Variants in SBNO1 observed in about 807,000 individuals in gnomAD.
The protein encoded by SBNO1 is strawberry notch homolog 1.
Under a neutral mutation model 173.6 loss-of-function variants are expected in SBNO1, and 23 were observed. That is an observed-to-expected ratio of 0.13 (90% CI 0.10 to 0.19). The LOEUF is 0.19. Among genes scored for constraint, SBNO1 ranks in the 10% least tolerant of loss-of-function variants. The pLI is 1.00. For synonymous variants in SBNO1, 632 were observed against 571.5 expected, an observed-to-expected ratio of 1.11 and a Z score of -1.51; for missense variants, 1,238 against 1,671.2, an observed-to-expected ratio of 0.74 and a Z score of 4.52.
rs576832694 is a variant in SBNO1 at position 123,362,425 on chromosome 12, G to C, written c.-1+2276C>G. Among the ~76,000 whole-genome samples the C allele has an allele frequency of 5.1e-4, 56 of 109,066 alleles. 1 individual carries two copies. In the Middle Eastern group the frequency reaches 0.028, roughly 55 times the overall value. 71.6% of individuals were successfully genotyped at this position (109,066 alleles called of 152,430 possible). Reference sequence around the variant, plus strand: ...CACTCCAGCCTGGGCCACTGAGCGAGACTCCGTCTCAAAAAAAAAAAAAAA... The same window carrying C: ...CACTCCAGCCTGGGCCACTGAGCGACACTCCGTCTCAAAAAAAAAAAAAAA... On this transcript the variant is annotated intron_variant, in intron 1 of 31. Coordinates refer to ENST00000602398, the MANE Select transcript of SBNO1 (RefSeq NM_001167856.3).
chr12:123,290,095 A>C lies in SBNO1; in HGVS notation c.*5813T>G, dbSNP rs930224847. On this transcript the variant is annotated 3_prime_UTR_variant, in exon 32 of 32. Coordinates refer to ENST00000602398, the MANE Select transcript of SBNO1 (RefSeq NM_001167856.3). The stretch of plus-strand genomic sequence containing the variant: ...CTTTTCCTTGCTTAGCCCTGCACTA[A>C]GGGGCAGTCTTGCTGGACGGTGCCC... 6.6e-6 allele frequency: 1 copy of C among 152,232 alleles called. No individual in the cohort carries two copies. Among genetic ancestry groups the C allele is most frequent in the African/African-American group, 2.4e-5 (1 of 41,462 alleles). 9.4% of individuals were successfully genotyped at this position (152,232 alleles called of 1,614,324 possible). A position where few individuals can be genotyped will look rare whatever the true frequency, so the allele number is the denominator to read the frequency against.
chr12:123,340,581 CAAAAAAAAAAA>C (rs752794679), intron 5 of SBNO1, among the ~76,000 whole-genome samples: 34 of 46,804 alleles, frequency 7.3e-4, no homozygotes, highest in South Asian at 2.0e-3. Flanking sequence ...GACTCTGTCT[CAAAAAAAAAAA>C]AAAAAAAAAA....
intron 1 of SBNO1, among the ~76,000 whole-genome samples, chr12:123,362,381 A>G (rs1875388433): frequency 7.6e-6 from 1 of 130,808 alleles, no homozygotes; most frequent in African/African-American, 2.9e-5. Flanking sequence ...GCTTGCAGTG[A>G]GCAGAGATCG....
rs183448363 is a variant in SBNO1, at chr12:123,311,272, G to C, written c.3221-143C>G. ...TTTATATAAACATGGAGAAAATGTG[G>C]AGAGAACTGCCCTTGTTCACTCTGT... On this transcript the variant is annotated intron_variant, in intron 24 of 31. Transcript: ENST00000602398. 1.4e-5 allele frequency: 9 copies of C among 642,518 alleles called. No homozygotes were observed. In the East Asian group the frequency reaches 2.2e-4, roughly 16 times the overall value. The allele number at this position is 642,518 out of a possible 1,614,324, so 39.8% of individuals were successfully genotyped here.
At chr12:123,314,823 C>T (rs187617372) in intron 23 of SBNO1, among the ~76,000 whole-genome samples, 1 of 152,224 alleles carries the variant, frequency 6.6e-6, no homozygotes, top group African/African-American at 2.4e-5. Context: ...TCTCGAATTC[C>T]TGACCTCAGG....
At chr12:123,303,049 T>A (rs2048834512) in intron 29 of SBNO1, 149 bp from the exon 30 acceptor site, 1 of 618,110 alleles carries the variant, frequency 1.6e-6, no homozygotes, top group African/African-American at 1.8e-5. Flanking sequence ...CTGAACGCCA[T>A]TTGAAAAGCT....
At chr12:123,334,669 C>T (rs1242970286) in intron 6 of SBNO1, among the ~76,000 whole-genome samples, 1 of 152,080 alleles carries the variant, frequency 6.6e-6, no homozygotes, top group Non-Finnish European at 1.5e-5. Context: ...GACTGTGCCA[C>T]TGCACTCCAG....
At chr12:123,320,997 T>C in intron 17 of SBNO1, 131 bp from the exon 18 acceptor site, 1 of 683,140 alleles carries the variant, frequency 1.5e-6, no homozygotes, top group Non-Finnish European at 2.3e-6. Context: ...TGGAGTGCAA[T>C]GGCGCAATCT....
intron 3 of SBNO1, among the ~76,000 whole-genome samples, chr12:123,347,018 C>A (rs1170181710): frequency 6.9e-6 from 1 of 145,782 alleles, no homozygotes; most frequent in African/African-American, 2.5e-5. Flanking sequence ...GCAGAGGTTG[C>A]AGCGAGCCGA....
rs61953455 is a variant in SBNO1, at chr12:123,322,703, T to G, written c.2126-971A>C. 6.6e-5 allele frequency among the ~76,000 whole-genome samples: 10 copies of G among 151,120 alleles called. No homozygotes were observed. In the South Asian group the frequency reaches 2.1e-3, roughly 32 times the overall value. On this transcript the variant is annotated intron_variant, in intron 16 of 31. Coordinates refer to ENST00000602398, the MANE Select transcript of SBNO1 (RefSeq NM_001167856.3). ...GGTGCATTGCTTAAGCTCAGGAGTTTGAGACCAGCCTGGCCAACATGGTGA... is the reference window on the plus strand; with the variant it reads ...GGTGCATTGCTTAAGCTCAGGAGTTGGAGACCAGCCTGGCCAACATGGTGA...
At chr12:123,312,184 C>T (rs1329090702) in intron 24 of SBNO1, among the ~76,000 whole-genome samples, 2 of 151,950 alleles carry the variant, frequency 1.3e-5, no homozygotes, top group African/African-American at 4.8e-5. Context: ...AAGCAATCCT[C>T]ACACCTCAGC....
chr12:123,301,596 C>A (rs1448128329), intron 30 of SBNO1, among the ~76,000 whole-genome samples: 1 of 152,108 alleles, frequency 6.6e-6, no homozygotes, highest in Non-Finnish European at 1.5e-5. Flanking sequence ...TACGAGGTCA[C>A]AAAGTGAACA....
chr12:123,309,231 A>G lies in SBNO1; in HGVS notation c.3630+79T>C, dbSNP rs560156918. On this transcript the variant is annotated intron_variant, in intron 28 of 31. Transcript: ENST00000602398. Reference sequence around the variant, plus strand: ...AGCTAAACACAACTGGGAAACAGGTACAAAGTGAAGAGACAATTACAATGC... The same window carrying G: ...AGCTAAACACAACTGGGAAACAGGTGCAAAGTGAAGAGACAATTACAATGC... 4.9e-6 allele frequency: 5 copies of G among 1,024,960 alleles called. No homozygotes were observed. In the South Asian group the frequency reaches 5.4e-5, roughly 11 times the overall value. The allele number at this position is 1,024,960 out of a possible 1,614,324, so 63.5% of individuals were successfully genotyped here.
intron 30 of SBNO1, among the ~76,000 whole-genome samples, chr12:123,300,676 T>C (rs1056414882): frequency 1.4e-5 from 2 of 142,082 alleles, no homozygotes; most frequent in Admixed American, 7.2e-5. Context: ...GAAATGTTTG[T>C]AGGGGCAAGG....
chr12:123,340,918 T>C, intron 5 of SBNO1, 70 bp downstream of exon 5: 1 of 964,884 alleles, frequency 1.0e-6, no homozygotes, highest in Non-Finnish European at 1.6e-6. Flanking sequence ...GGTTGTTCCA[T>C]ATAGAACACT....
chr12:123,290,907 T>A lies in SBNO1; in HGVS notation c.*5001A>T, dbSNP rs1256329722. The A allele has an allele frequency of 1.5e-5, 2 of 135,516 alleles. No homozygotes were observed. Among genetic ancestry groups the A allele is most frequent in the East Asian group, 7.0e-4 (2 of 2,870 alleles). 8.4% of individuals were successfully genotyped at this position (135,516 alleles called of 1,614,324 possible). On this transcript the variant is annotated 3_prime_UTR_variant, in exon 32 of 32. Transcript: ENST00000602398. ...CACCCGCCACCACGCCTGGCTAAGTTTTTTTTTTTTTTGTATTTTTAGTAG... is the reference window on the plus strand; with the variant it reads ...CACCCGCCACCACGCCTGGCTAAGTATTTTTTTTTTTTGTATTTTTAGTAG...
At chr12:123,307,195 A>G (rs945476951) in intron 28 of SBNO1, among the ~76,000 whole-genome samples, 1 of 151,970 alleles carries the variant, frequency 6.6e-6, no homozygotes, top group Non-Finnish European at 1.5e-5. Context: ...AGATCCCATT[A>G]CAAAAAACAA....
At chr12:123,340,136 G>A (rs1872350586) in intron 5 of SBNO1, among the ~76,000 whole-genome samples, 1 of 152,104 alleles carries the variant, frequency 6.6e-6, no homozygotes, top group South Asian at 2.1e-4. Context: ...CCAGATGGTT[G>A]TCAAATTTTG....
In SBNO1 at chr12:123,362,876, A is replaced by G. The variant is rs1198692032; in HGVS notation, c.-1+1825T>C. Reference sequence around the variant, plus strand: ...GGAGGCCAGAAGATTGCTTGAGGCCAGTAGCTGCCTCCCAACATGGTGAGA... The same window carrying G: ...GGAGGCCAGAAGATTGCTTGAGGCCGGTAGCTGCCTCCCAACATGGTGAGA... On this transcript the variant is annotated intron_variant, in intron 1 of 31. Transcript: ENST00000602398. 2.6e-5 allele frequency among the ~76,000 whole-genome samples: 4 copies of G among 151,468 alleles called. No individual in the cohort carries two copies. In the East Asian group the frequency reaches 7.7e-4, roughly 29 times the overall value.
Sources: gnomAD v4.1 joint callset for allele counts (sites outside exome capture counted in the v4.1 genomes callset) on GRCh38, gnomAD v4.1.1 for gene constraint, MANE v1.5 for transcripts, NCBI Gene and HGNC (gene_info 2026-07-23, HGNC 2026-07-21) for gene names.